MYOM2: variants seen among roughly 807,000 people sequenced by gnomAD.
The protein encoded by MYOM2 is myomesin 2, also known as myomesin-2.
In MYOM2, 254 loss-of-function variants were observed where a neutral mutation model predicts 187.6. That is an observed-to-expected ratio of 1.35 (90% CI 1.22 to 1.50). MYOM2 has a LOEUF of 1.50. Ranked by LOEUF, MYOM2 falls within the 40% of genes most tolerant of loss-of-function variation. MYOM2 has a pLI of 0.00. For synonymous variants in MYOM2, 981 were observed against 753.8 expected, an observed-to-expected ratio of 1.30 and a Z score of -4.94; for missense variants, 2,796 against 1,924.0, an observed-to-expected ratio of 1.45 and a Z score of -8.48.
chr8:2,142,601 C>T (rs77169263), intron 35 of MYOM2, among the ~76,000 whole-genome samples: 4,562 of 152,072 alleles, frequency 0.03, 153 homozygotes, highest in African/African-American at 0.089. Context: ...GCCTTAGCCC[C>T]GTCACCCCTT....
chr8:2,123,324 C>G lies in MYOM2; in HGVS notation c.3526C>G (p.Pro1176Ala). ...DDVLYETETL[P>A]NLERGICELL... ...TGTTCTGTATGAAACGGAGACACTG[C>G]CTAACCTGGAGAGGGGAATCTGTGA... Residue 1176 changes from proline (P) to alanine (A), a missense_variant, in exon 29 of 37, where the codon CCT becomes GCT. Transcript: ENST00000262113. 9.3e-6 allele frequency: 15 copies of G among 1,613,804 alleles called. No homozygotes were observed. Among genetic ancestry groups the G allele is most frequent in the Non-Finnish European group, 1.3e-5 (15 of 1,179,922 alleles).
At chr8:2,110,791 C>T (rs7008393) in intron 25 of MYOM2, among the ~76,000 whole-genome samples, 94 of 152,332 alleles carry the variant, frequency 6.2e-4, no homozygotes, top group African/African-American at 2.2e-3. Context: ...GCCTTTGTGT[C>T]TGATGGGCAT....
rs776142500 is a variant in MYOM2 at position 2,123,240 on chromosome 8, T to A, written c.3454-12T>A. The stretch of plus-strand genomic sequence containing the variant: ...TGATTTACACACTAAACTTAAGCTT[T>A]CTACCTCACAGGTTGCAAACACCAA... On this transcript the variant is annotated splice_polypyrimidine_tract_variant and intron_variant, in intron 28 of 36. Transcript: ENST00000262113. 2 of 1,575,668 alleles carry A rather than the reference T, an allele frequency of 1.3e-6. No individual in the cohort carries two copies. The highest frequency in any genetic ancestry group is 1.1e-5 in the South Asian group (1 of 88,364).
rs564486111 is a variant in MYOM2, at chr8:2,069,460, C to T, written c.756C>T (p.Asp252=). 31 of 1,614,056 alleles carry T rather than the reference C, an allele frequency of 1.9e-5. 1 individual carries two copies. The highest frequency in any genetic ancestry group is 4.4e-5 in the South Asian group (4 of 91,090). Residue 252 remains aspartate, a synonymous_variant, in exon 8 of 37, where the codon GAC becomes GAT. Coordinates refer to ENST00000262113, the MANE Select transcript of MYOM2 (RefSeq NM_003970.4). ...AAVVVRRFRG[D]EEPFRSVGLP... is the part of the protein sequence containing the mutation. Reference sequence around the variant, plus strand: ...GCTGTCTTGCAGGGTTCCGGGGAGACGAGGAACCATTCCGTTCGGTGGGAC... The same window carrying T: ...GCTGTCTTGCAGGGTTCCGGGGAGATGAGGAACCATTCCGTTCGGTGGGAC...
chr8:2,055,316 C>T (rs1262501777), intron 3 of MYOM2, among the ~76,000 whole-genome samples: 1 of 152,130 alleles, frequency 6.6e-6, no homozygotes, highest in African/African-American at 2.4e-5. Flanking sequence ...ATGAAAGAGA[C>T]CCACAGGGCT....
intron 8 of MYOM2, among the ~76,000 whole-genome samples, chr8:2,071,895 C>T (rs535328614): frequency 1.3e-5 from 2 of 152,098 alleles, no homozygotes; most frequent in Non-Finnish European, 2.9e-5. Context: ...CTTCCAAGGG[C>T]GCTCATTCTC....
intron 15 of MYOM2, among the ~76,000 whole-genome samples, chr8:2,091,807 T>A (rs1160238219): frequency 6.6e-6 from 1 of 152,146 alleles, no homozygotes; most frequent in Non-Finnish European, 1.5e-5. Context: ...CTGTGGGGTG[T>A]GTGGCCCAGG....
Position 2,073,319 on chromosome 8 carries a change from C to T in MYOM2, c.959-20C>T. On this transcript the variant is annotated intron_variant, in intron 9 of 36. Coordinates refer to ENST00000262113, the MANE Select transcript of MYOM2 (RefSeq NM_003970.4). Reference sequence around the variant, plus strand: ...TGGGGTGATTTTGGATGCAAACCTTCCGTGTTAACGCTCTTTCAGACGTGC... The same window carrying T: ...TGGGGTGATTTTGGATGCAAACCTTTCGTGTTAACGCTCTTTCAGACGTGC... 2.5e-6 allele frequency: 4 copies of T among 1,586,190 alleles called. No homozygotes were observed. The highest frequency in any genetic ancestry group is 4.5e-5 in the East Asian group (2 of 44,250).
chr8:2,067,818 C>G (rs1409673837), intron 6 of MYOM2, among the ~76,000 whole-genome samples: 2 of 152,106 alleles, frequency 1.3e-5, no homozygotes, highest in Non-Finnish European at 2.9e-5. Context: ...CCAACTCAGA[C>G]ATTTCAATAC....
At chr8:2,063,839 G>C (rs750523851) in intron 6 of MYOM2, among the ~76,000 whole-genome samples, 1 of 152,196 alleles carries the variant, frequency 6.6e-6, no homozygotes, top group Non-Finnish European at 1.5e-5. Flanking sequence ...GGATGCCAAA[G>C]GGCGCCATGG....
At chr8:2,059,276 GCGTCCAGTAATCAGCATTGCAGA>G in intron 6 of MYOM2, 31 bp downstream of exon 6, 1 of 1,597,992 alleles carries the variant, frequency 6.3e-7, no homozygotes, top group Non-Finnish European at 8.6e-7. Context: ...CTGGACGCTG[GCGTCCAGTAATCAGCATTGCAGA>G]CCCCAAAGAA....
In MYOM2 at chr8:2,090,119, C is replaced by T; in HGVS notation, c.1756C>T (p.Leu586=). Residue 586 remains leucine (L), a synonymous_variant, in exon 15 of 37, where the codon CTG becomes TTG. Coordinates refer to ENST00000262113, the MANE Select transcript of MYOM2 (RefSeq NM_003970.4). The part of the protein sequence containing the change: ...MEGKSYVFRV[L]SANRHGLSEP... ...AGGGAAGTCTTATGTGTTCCGAGTG[C>T]TGTCAGCAAACCGGCATGGCCTGAG... 1.2e-6 allele frequency: 2 copies of T among 1,614,088 alleles called. No individual in the cohort carries two copies. Among genetic ancestry groups the T allele is most frequent in the African/African-American group, 2.7e-5 (2 of 75,036 alleles).
intron 25 of MYOM2, among the ~76,000 whole-genome samples, chr8:2,115,206 G>T (rs1797200729): frequency 6.7e-6 from 1 of 149,212 alleles, no homozygotes; most frequent in African/African-American, 2.5e-5. Flanking sequence ...ATAAAAAAGA[G>T]AAATAAGCAT....
At chr8:2,144,513 G>A (rs190420490) in intron 36 of MYOM2, 151 bp from the exon 37 acceptor site, 17 of 744,538 alleles carry the variant, frequency 2.3e-5, no homozygotes, top group Admixed American at 1.4e-4. Flanking sequence ...TGTCCAGAGC[G>A]GCGCTCATGT....
chr8:2,128,545 T>C (rs1341439797), intron 31 of MYOM2, among the ~76,000 whole-genome samples: 4 of 152,238 alleles, frequency 2.6e-5, no homozygotes, highest in Non-Finnish European at 5.9e-5. Context: ...CTCTGACCCA[T>C]AGATCATCTA....
intron 18 of MYOM2, among the ~76,000 whole-genome samples, chr8:2,096,703 C>G (rs532610220): frequency 6.6e-6 from 1 of 152,236 alleles, no homozygotes; most frequent in East Asian, 1.9e-4. Context: ...GCATCTGGTC[C>G]CAGTACCTGT....
rs1796593826 is a variant in MYOM2 at position 2,098,986 on chromosome 8, G to A, written c.2440+3G>A. On this transcript the variant is annotated splice_donor_region_variant and intron_variant, in intron 19 of 36. Transcript: ENST00000262113. ...GGCCTGGACCATGCCGGAGCCCGGT[G>A]AGTCGCTGCCCCCAGGACACCCGCG... The A allele has an allele frequency of 6.2e-7, 1 of 1,601,146 alleles. No homozygotes were observed. Among genetic ancestry groups the A allele is most frequent in the Non-Finnish European group, 8.5e-7 (1 of 1,170,982 alleles).
At chr8:2,078,987 G>C in intron 12 of MYOM2, 54 bp downstream of exon 12, 1 of 1,566,208 alleles carries the variant, frequency 6.4e-7, no homozygotes. Context: ...TGGCTGTTTT[G>C]TGTGTGATTT....
At chr8:2,100,138 T>G in intron 19 of MYOM2, among the ~76,000 whole-genome samples, 1 of 125,934 alleles carries the variant, frequency 7.9e-6, no homozygotes, top group Non-Finnish European at 1.7e-5. Context: ...CTTTCCTTCC[T>G]TCCTTCCTTC....
Sources: allele counts gnomAD v4.1 joint callset (sites outside exome capture counted in the v4.1 genomes callset), GRCh38; gene constraint gnomAD v4.1.1; transcripts MANE v1.5; gene names NCBI Gene and HGNC (gene_info 2026-07-23, HGNC 2026-07-21).